The following KCNK13 variants were observed in gnomAD, a reference collection of about 807,000 sequenced individuals.
KCNK13 encodes potassium two pore domain channel subfamily K member 13.
KCNK13 carries 12 observed loss-of-function variants against 23.4 expected under a neutral mutation model. The ratio of observed to expected loss-of-function variants is 0.51; its 90% CI spans 0.33 to 0.83. The LOEUF (loss-of-function observed/expected upper bound fraction) is 0.83, where lower values mean the gene tolerates loss of function less well. Among genes scored for constraint, KCNK13 ranks in the 40% least tolerant of loss-of-function variants. The pLI is 0.02. For missense variants in KCNK13, 463 were observed against 556.3 expected (o/e 0.83, Z 1.69); for synonymous variants, 231 against 229.5 (o/e 1.01, Z -0.06).
At chr14:90,138,320 G>C (rs1318442770) in intron 1 of KCNK13, among the ~76,000 whole-genome samples, 1 of 152,048 alleles carries the variant, frequency 6.6e-6, no homozygotes, top group East Asian at 1.9e-4. Flanking sequence ...ATCCATACAG[G>C]TCTTTCTGTC....
intron 1 of KCNK13, among the ~76,000 whole-genome samples, chr14:90,065,917 A>G (rs1566945251): frequency 2.0e-5 from 3 of 152,172 alleles, no homozygotes; most frequent in Non-Finnish European, 4.4e-5. Flanking sequence ...CATGACCCAT[A>G]CTAGAATTCT....
chr14:90,104,871 C>A (rs967865405), intron 1 of KCNK13, among the ~76,000 whole-genome samples: 1 of 148,768 alleles, frequency 6.7e-6, no homozygotes, highest in Non-Finnish European at 1.5e-5. Flanking sequence ...CTCACTGCAA[C>A]CTCTACCTCC....
At chr14:90,165,295 G>A (rs1489942311) in intron 1 of KCNK13, among the ~76,000 whole-genome samples, 1 of 152,162 alleles carries the variant, frequency 6.6e-6, no homozygotes, top group Non-Finnish European at 1.5e-5. Flanking sequence ...GGAGAGTGCT[G>A]ATCAGGGTGG....
chr14:90,152,653 A>T (rs1432046565), intron 1 of KCNK13, among the ~76,000 whole-genome samples: 1 of 152,156 alleles, frequency 6.6e-6, no homozygotes, highest in Non-Finnish European at 1.5e-5. Flanking sequence ...TAAATTATCC[A>T]GTCTCAGGTA....
At chr14:90,090,490 T>C (rs540697798) in intron 1 of KCNK13, among the ~76,000 whole-genome samples, 1 of 152,368 alleles carries the variant, frequency 6.6e-6, no homozygotes, top group Non-Finnish European at 1.5e-5. Context: ...CAGAAGGGCC[T>C]TGCCTTGTCT....
chr14:90,074,095 G>A (rs1406788576), intron 1 of KCNK13, among the ~76,000 whole-genome samples: 2 of 151,878 alleles, frequency 1.3e-5, no homozygotes, highest in Non-Finnish European at 2.9e-5. Flanking sequence ...TTAGCCTCCC[G>A]AGTAGCTGGG....
chr14:90,097,609 A>C (rs1327456204), intron 1 of KCNK13, among the ~76,000 whole-genome samples: 3 of 152,080 alleles, frequency 2.0e-5, no homozygotes, highest in African/African-American at 7.2e-5. Context: ...CAGCCATCTC[A>C]TTGACTGCCA....
chr14:90,165,822 A>G (rs533160590), intron 1 of KCNK13, among the ~76,000 whole-genome samples: 4 of 152,320 alleles, frequency 2.6e-5, no homozygotes, highest in African/African-American at 9.6e-5. Flanking sequence ...ATCCTGGCTG[A>G]CCGTGAGGAG....
chr14:90,184,760 G>A lies in KCNK13; in HGVS notation c.984G>A (p.Glu328=). The change falls in exon 2 of 2, where the codon GAG becomes GAA. Residue 328 remains glutamate (E), a synonymous_variant. Transcript: ENST00000282146. The surrounding 1 kb of genome is among the most constrained non-coding windows in gnomAD (Gnocchi z 5.6). ...SVRNRCNISI[E]TDGVAESDTD... is the part of the protein sequence containing the mutation. ...GGAACCGCTGCAACATCTCCATAGA[G>A]ACAGACGGGGTGGCAGAGAGTGACA... 6.2e-7 allele frequency: 1 copy of A among 1,613,856 alleles called. No individual in the cohort carries two copies. The highest frequency in any genetic ancestry group is 8.5e-7 in the Non-Finnish European group (1 of 1,179,746).
chr14:90,082,933 C>T (rs560959339), intron 1 of KCNK13, among the ~76,000 whole-genome samples: 1 of 152,140 alleles, frequency 6.6e-6, no homozygotes, highest in Non-Finnish European at 1.5e-5. Flanking sequence ...TTCTCCACAC[C>T]CTTTCCAACA....
rs1806638124 is a variant in KCNK13, at chr14:90,062,600, C to T, written c.334+61C>T. 8.0e-7 allele frequency: 1 copy of T among 1,255,316 alleles called. No homozygotes were observed. The allele number at this position is 1,255,316 out of a possible 1,614,324, so 77.8% of individuals were successfully genotyped here. A position where few individuals can be genotyped will look rare whatever the true frequency, so the allele number is the denominator to read the frequency against. On this transcript the variant is annotated intron_variant, in intron 1 of 1. Coordinates refer to ENST00000282146, the MANE Select transcript of KCNK13 (RefSeq NM_022054.4). The surrounding 1 kb of genome is among the most constrained non-coding windows in gnomAD (Gnocchi z 4.5). ...GGCGGCCTCCACTTCCTCCGGGGGGCAGGACCGACCCTCTCATCCTTTCAT... is the reference window on the plus strand; with the variant it reads ...GGCGGCCTCCACTTCCTCCGGGGGGTAGGACCGACCCTCTCATCCTTTCAT...
At chr14:90,125,520 G>C (rs77000956) in intron 1 of KCNK13, among the ~76,000 whole-genome samples, 9,280 of 151,780 alleles carry the variant, frequency 0.061, 403 homozygotes, top group South Asian at 0.15. Context: ...ACCTTGCCCA[G>C]CCGATCTACT....
intron 1 of KCNK13, among the ~76,000 whole-genome samples, chr14:90,078,439 A>G (rs969593923): frequency 2.6e-5 from 4 of 151,632 alleles, no homozygotes; most frequent in Non-Finnish European, 5.9e-5. Context: ...AAGAAAGAAA[A>G]AAAAGAAAGA....
At chr14:90,092,103 T>C (rs975385253) in intron 1 of KCNK13, among the ~76,000 whole-genome samples, 3 of 152,030 alleles carry the variant, frequency 2.0e-5, no homozygotes. Context: ...TTTTATTTTT[T>C]AGTAGAGATG....
Position 90,184,398 on chromosome 14 carries a change from A to G in KCNK13, c.622A>G (p.Ile208Val). ...GATCCTATGCACAGCCTCCATCCTC[A>G]TCTCTTGCTGCGCCTCAGCCATGTA... ...MLILCTASIL[I>V]SCCASAMYTP... is the part of the protein sequence containing the mutation. The change falls in exon 2 of 2, where the codon ATC becomes GTC. Residue 208 changes from isoleucine to valine, a missense_variant. Physicochemically the swap from Ile to Val is conservative, Grantham distance 29 (BLOSUM62 3). Transcript: ENST00000282146. This position sits in a 1 kb window ranked among gnomAD's most constrained non-coding sequence, Gnocchi z 5.6. 1 of 1,614,198 alleles carries G rather than the reference A, an allele frequency of 6.2e-7. No individual in the cohort carries two copies. The highest frequency in any genetic ancestry group is 8.5e-7 in the Non-Finnish European group (1 of 1,180,036).
intron 1 of KCNK13, among the ~76,000 whole-genome samples, chr14:90,142,533 T>C (rs2140428829): frequency 6.6e-6 from 1 of 152,034 alleles, no homozygotes; most frequent in Admixed American, 6.5e-5. Context: ...TTAGCCAGGA[T>C]AGTCTCGATC....
At chr14:90,134,308 C>G (rs938867851) in intron 1 of KCNK13, among the ~76,000 whole-genome samples, 1 of 152,148 alleles carries the variant, frequency 6.6e-6, no homozygotes, top group Non-Finnish European at 1.5e-5. Flanking sequence ...AGAAAAACAT[C>G]TGCAAGTTCA....
At chr14:90,127,864 T>C (rs1566956512) in intron 1 of KCNK13, among the ~76,000 whole-genome samples, 4 of 150,932 alleles carry the variant, frequency 2.7e-5, no homozygotes. Context: ...CAAGAGTATG[T>C]TTCATCTAAC....
chr14:90,081,129 G>C (rs1020925536), intron 1 of KCNK13, among the ~76,000 whole-genome samples: 1 of 152,212 alleles, frequency 6.6e-6, no homozygotes, highest in Admixed American at 6.5e-5. Context: ...AATAAGTCCA[G>C]GTTTCAGAAA....
Sources: allele counts gnomAD v4.1 joint callset (sites outside exome capture counted in the v4.1 genomes callset), GRCh38; gene constraint gnomAD v4.1.1; non-coding constraint Gnocchi (gnomAD v3.1); transcripts MANE v1.5; gene names NCBI Gene and HGNC (gene_info 2026-07-23, HGNC 2026-07-21).